The following RGS3 variants were observed in gnomAD, a reference collection of about 807,000 sequenced individuals.
The protein encoded by RGS3 is regulator of G-protein signalling 3.
RGS3 carries 80 observed loss-of-function variants against 132.6 expected under a neutral mutation model. The observed-to-expected ratio is 0.60, with a 90% CI of 0.50 to 0.73. RGS3 has a LOEUF of 0.73. RGS3 is among the 30% of genes least tolerant of loss of function. The pLI is 0.00. For missense variants in RGS3, 1,382 were observed against 1,530.8 expected (o/e 0.90, Z 1.62); for synonymous variants, 598 against 620.6 (o/e 0.96, Z 0.54).
At chr9:113,484,408 G>A (rs1322548101) in intron 6 of RGS3, among the ~76,000 whole-genome samples, 176 bp downstream of exon 4, 2 of 149,834 alleles carry the variant, frequency 1.3e-5, no homozygotes, top group Non-Finnish European at 3.0e-5. Context: ...ACTCACTTGT[G>A]TCCTTGCATC....
chr9:113,477,141 C>T (rs1170294650), intron 3 of RGS3, among the ~76,000 whole-genome samples: 1 of 152,190 alleles, frequency 6.6e-6, no homozygotes, highest in Non-Finnish European at 1.5e-5. Flanking sequence ...ATGATACCGT[C>T]AGTTCTCCCG....
Position 113,537,509 on chromosome 9 carries a change from TG to T in RGS3, c.2037+594del, listed in dbSNP as rs1832730141. ...CCATCCAGTGCCTGGGGAGAGGGGA[TG>T]GGATAGGAGCTGGACCACACAGCCT... On this transcript the variant is annotated intron_variant, in intron 19 of 24. Transcript: ENST00000350696. This position sits in a 1 kb window ranked among gnomAD's most constrained non-coding sequence, Gnocchi z 4.3. Among the ~76,000 whole-genome samples, 2 of 152,130 alleles carry T rather than the reference TG, an allele frequency of 1.3e-5. No individual in the cohort carries two copies. Among genetic ancestry groups the T allele is most frequent in the Admixed American group, 1.3e-4 (2 of 15,276 alleles).
At chr9:113,495,786 A>G in exon 8 of RGS3, 1 of 1,613,676 alleles carries the variant, frequency 6.2e-7, no homozygotes, top group South Asian at 1.1e-5. Context: ...GTTCTCCCAG[A>G]CAGAGTGGAC....
intron 14 of RGS3, among the ~76,000 whole-genome samples, chr9:113,512,215 A>C (rs1212897644): frequency 6.6e-6 from 1 of 152,174 alleles, no homozygotes; most frequent in Non-Finnish European, 1.5e-5. Context: ...TATCCAACTC[A>C]AATTCAGTGA....
chr9:113,591,388 G>A lies in RGS3; in HGVS notation c.3071G>A (p.Ser1024Asn). The change falls in exon 21 of 25, where the codon AGC (serine) becomes AAC (asparagine). Residue 1024 changes from serine to asparagine, a missense_variant. Transcript: ENST00000350696. The surrounding 1 kb of genome is among the most constrained non-coding windows in gnomAD (Gnocchi z 4.4). Reference sequence around the variant, plus strand: ...GACGAAGCCTCCCGGAAGAGAAAGAGCAAAAACCTGTACGTTGGGAAGATC... The same window carrying A: ...GACGAAGCCTCCCGGAAGAGAAAGAACAAAAACCTGTACGTTGGGAAGATC... 6.2e-7 allele frequency: 1 copy of A among 1,613,582 alleles called. No individual in the cohort carries two copies. The highest frequency in any genetic ancestry group is 8.5e-7 in the Non-Finnish European group (1 of 1,179,872).
chr9:113,563,941 T>G (rs2118835171), intron 19 of RGS3, among the ~76,000 whole-genome samples: 1 of 151,598 alleles, frequency 6.6e-6, no homozygotes, highest in South Asian at 2.1e-4. Context: ...GTGGGTGGGG[T>G]GGGCATGGGA....
intron 3 of RGS3, among the ~76,000 whole-genome samples, chr9:113,466,167 G>A (rs554533081): frequency 3.3e-5 from 5 of 152,348 alleles, no homozygotes; most frequent in African/African-American, 1.2e-4. Context: ...AGGTTTGGAA[G>A]CTATGGATTC....
intron 19 of RGS3, among the ~76,000 whole-genome samples, chr9:113,543,937 T>C (rs1459903588): frequency 1.3e-5 from 2 of 152,134 alleles, no homozygotes; most frequent in Non-Finnish European, 2.9e-5. Context: ...CTCAAATCGA[T>C]CGAACAATTA....
chr9:113,559,352 C>T (rs1833699339), intron 19 of RGS3, among the ~76,000 whole-genome samples: 2 of 152,226 alleles, frequency 1.3e-5, no homozygotes, highest in African/African-American at 4.8e-5. Flanking sequence ...AGTCATGGCT[C>T]CCAGCCATCC....
At chr9:113,584,492 G>A in intron 20 of RGS3, 65 bp downstream of exon 18, 1 of 1,452,036 alleles carries the variant, frequency 6.9e-7, no homozygotes. Flanking sequence ...CCCAGGGGCT[G>A]CAGGGAATGA....
intron 19 of RGS3, among the ~76,000 whole-genome samples, chr9:113,573,486 G>A (rs1162257872): frequency 6.6e-6 from 1 of 152,226 alleles, no homozygotes; most frequent in Non-Finnish European, 1.5e-5. Flanking sequence ...GCGGCACATG[G>A]ATAGGAATTG....
intron 7 of RGS3, among the ~76,000 whole-genome samples, chr9:113,495,094 C>G (rs1038661416): frequency 6.6e-6 from 1 of 152,210 alleles, no homozygotes; most frequent in African/African-American, 2.4e-5. Context: ...AGGCTGTTCT[C>G]AAACTCCTGA....
intron 16 of RGS3, chr9:113,522,613 C>G (rs12339617): frequency 0.1 from 31,510 of 315,094 alleles, 2,019 homozygotes; most frequent in African/African-American, 0.19. Flanking sequence ...ATGTAGGCTT[C>G]GGGGATCAGG....
intron 7 of RGS3, among the ~76,000 whole-genome samples, chr9:113,488,739 A>G (rs1178326255): frequency 1.3e-5 from 2 of 152,244 alleles, no homozygotes; most frequent in Non-Finnish European, 2.9e-5. Context: ...TCACAGTCCC[A>G]GCCCGAAGCT....
intron 3 of RGS3, among the ~76,000 whole-genome samples, chr9:113,475,935 C>CT (rs1281543051): frequency 1.3e-5 from 2 of 151,292 alleles, no homozygotes; most frequent in African/African-American, 2.4e-5. Context: ...TTTTCTTTTT[C>CT]TTTTTTTTCC....
rs561034100 is a variant in RGS3, at chr9:113,509,980, G to A, written c.1477+1400G>A. Among the ~76,000 whole-genome samples the A allele has an allele frequency of 3.3e-5, 5 of 152,214 alleles. No homozygotes were observed. In the East Asian group the frequency reaches 7.7e-4, roughly 24 times the overall value. On this transcript the variant is annotated intron_variant, in intron 14 of 24. Coordinates refer to ENST00000350696, the Ensembl canonical transcript of RGS3. ...TCCATAGATTATTGGGGTACAAGTG[G>A]TATTTGGTTACGTAAGATTTTTAGT...
At chr9:113,594,930 A>C (rs1164214143) in exon 23 of RGS3, 1 of 1,614,060 alleles carries the variant, frequency 6.2e-7, no homozygotes, top group Non-Finnish European at 8.5e-7. Context: ...CCCACCTCAG[A>C]GGAAGCCCTC....
chr9:113,576,337 CT>C (rs558156232), intron 19 of RGS3, among the ~76,000 whole-genome samples: 165 of 142,200 alleles, frequency 1.2e-3, no homozygotes, highest in Admixed American at 1.7e-3. Context: ...ATTGTTCTTT[CT>C]TTTTTTTTTT....
chr9:113,541,693 G>A lies in RGS3; in HGVS notation c.2037+4775G>A, dbSNP rs142706781. ...AGAGGCTTCTTCCTTCCAAGGAGGA[G>A]GAGGAGGAGGACATTCCACATCTGG... On this transcript the variant is annotated intron_variant, in intron 19 of 24. Coordinates refer to ENST00000350696, the Ensembl canonical transcript of RGS3. The A allele has an allele frequency of 2.0e-5, 22 of 1,082,088 alleles. No individual in the cohort carries two copies. In the East Asian group the frequency reaches 1.5e-3, roughly 73 times the overall value. 67.0% of individuals were successfully genotyped at this position (1,082,088 alleles called of 1,614,324 possible).
Sources: allele counts gnomAD v4.1 joint callset (sites outside exome capture counted in the v4.1 genomes callset), GRCh38; gene constraint gnomAD v4.1.1; non-coding constraint Gnocchi (gnomAD v3.1); transcripts MANE v1.5; gene names NCBI Gene and HGNC (gene_info 2026-07-23, HGNC 2026-07-21).